Variants in MGMT observed in about 807,000 individuals in gnomAD.
MGMT encodes O-6-methylguanine-DNA methyltransferase.
In MGMT, 14 loss-of-function variants were observed where a neutral mutation model predicts 15.9. The observed-to-expected ratio is 0.88, with a 90% CI of 0.58 to 1.37. MGMT has a LOEUF of 1.37. Ranked by LOEUF, MGMT falls within the 40% of genes most tolerant of loss-of-function variation. MGMT has a pLI of 0.00. For missense variants in MGMT, 282 were observed against 268.1 expected, an observed-to-expected ratio of 1.05 and a Z score of -0.36; for synonymous variants, 130 against 118.2, an observed-to-expected ratio of 1.10 and a Z score of -0.65.
chr10:129,555,070 T>A (rs1441847416), intron 2 of MGMT, among the ~76,000 whole-genome samples: 1 of 152,222 alleles, frequency 6.6e-6, no homozygotes, highest in Non-Finnish European at 1.5e-5. Context: ...ACTCAATAAA[T>A]GGCAACTGCT....
intron 1 of MGMT, among the ~76,000 whole-genome samples, chr10:129,526,301 C>A (rs1027471026): frequency 1.3e-5 from 2 of 152,156 alleles, no homozygotes; most frequent in African/African-American, 4.8e-5. Context: ...AGAGGGGCTT[C>A]CCCAATGCCC....
intron 2 of MGMT, among the ~76,000 whole-genome samples, chr10:129,600,051 G>T (rs1281077987): frequency 6.6e-6 from 1 of 152,140 alleles, no homozygotes; most frequent in Non-Finnish European, 1.5e-5. Context: ...GAAGGATAAT[G>T]AACAAATTTG....
chr10:129,510,196 C>T (rs1037540292), intron 1 of MGMT, among the ~76,000 whole-genome samples: 1 of 149,638 alleles, frequency 6.7e-6, no homozygotes, highest in South Asian at 2.1e-4. Context: ...AGAGATGATC[C>T]CTCGGAGAAT....
intron 2 of MGMT, among the ~76,000 whole-genome samples, chr10:129,560,640 C>CT (rs1267877730): frequency 6.6e-6 from 1 of 152,206 alleles, no homozygotes; most frequent in Non-Finnish European, 1.5e-5. Flanking sequence ...ATTGAATTAT[C>CT]TGAGTATTTA....
chr10:129,551,645 C>T (rs1846158008), intron 2 of MGMT, among the ~76,000 whole-genome samples: 1 of 152,206 alleles, frequency 6.6e-6, no homozygotes, highest in East Asian at 1.9e-4. Flanking sequence ...CTGTAAGTTT[C>T]TCCGAGGTAT....
At chr10:129,667,441 A>G (rs1054738239) in intron 2 of MGMT, among the ~76,000 whole-genome samples, 3 of 152,140 alleles carry the variant, frequency 2.0e-5, no homozygotes, top group Non-Finnish European at 4.4e-5. Flanking sequence ...CACCCATACA[A>G]CTGCATGTCA....
chr10:129,667,140 A>G (rs1199299532), intron 2 of MGMT, among the ~76,000 whole-genome samples: 4 of 152,184 alleles, frequency 2.6e-5, no homozygotes, highest in African/African-American at 9.7e-5. Context: ...ATCTTTGTGT[A>G]ACCATCATGC....
At chr10:129,546,453 G>T (rs1393494613) in intron 2 of MGMT, among the ~76,000 whole-genome samples, 1 of 152,226 alleles carries the variant, frequency 6.6e-6, no homozygotes, top group Non-Finnish European at 1.5e-5. Context: ...TTAAGAGGCT[G>T]CGAGCCCCCT....
intron 1 of MGMT, among the ~76,000 whole-genome samples, chr10:129,514,526 C>T (rs751325552): frequency 3.3e-5 from 5 of 152,186 alleles, no homozygotes; most frequent in Admixed American, 6.5e-5. Flanking sequence ...ATAATTTCTC[C>T]TAGTTCAGTC....
chr10:129,497,107 A>G (rs1214163847), intron 1 of MGMT, among the ~76,000 whole-genome samples: 1 of 152,104 alleles, frequency 6.6e-6, no homozygotes, highest in Admixed American at 6.6e-5. Flanking sequence ...GATCTAATTT[A>G]TAATGTGATA....
At chr10:129,588,807 C>A (rs1426531581) in intron 2 of MGMT, among the ~76,000 whole-genome samples, 2 of 152,372 alleles carry the variant, frequency 1.3e-5, no homozygotes, top group African/African-American at 2.4e-5. Context: ...GAGTGCTCAA[C>A]AATTTGGAGC....
intron 1 of MGMT, among the ~76,000 whole-genome samples, chr10:129,510,243 A>G (rs1222833741): frequency 6.6e-6 from 1 of 152,190 alleles, no homozygotes; most frequent in Admixed American, 6.5e-5. Flanking sequence ...AATATAACAT[A>G]GTTGTTAGAA....
chr10:129,699,157 G>T (rs1224532966), intron 2 of MGMT, among the ~76,000 whole-genome samples: 1 of 152,116 alleles, frequency 6.6e-6, no homozygotes, highest in Non-Finnish European at 1.5e-5. Flanking sequence ...TCCTTTTAAT[G>T]ATTTGAACAT....
At chr10:129,634,065 C>T (rs1013642205) in intron 2 of MGMT, among the ~76,000 whole-genome samples, 5 of 152,132 alleles carry the variant, frequency 3.3e-5, no homozygotes, top group African/African-American at 1.2e-4. Flanking sequence ...TTTTTTAGTG[C>T]CCAAAATGTC....
At chr10:129,601,549 C>T (rs1846821995) in intron 2 of MGMT, among the ~76,000 whole-genome samples, 1 of 152,172 alleles carries the variant, frequency 6.6e-6, no homozygotes, top group Admixed American at 6.5e-5. Context: ...CTGGATCCTG[C>T]CCCTCACCTG....
At chr10:129,571,449 C>T (rs951130010) in intron 2 of MGMT, among the ~76,000 whole-genome samples, 1 of 152,132 alleles carries the variant, frequency 6.6e-6, no homozygotes, top group African/African-American at 2.4e-5. Flanking sequence ...AAATGTTATA[C>T]GTTTTGTTTA....
At chr10:129,716,932 T>C (rs1848305791) in intron 3 of MGMT, among the ~76,000 whole-genome samples, 1 of 152,230 alleles carries the variant, frequency 6.6e-6, no homozygotes, top group African/African-American at 2.4e-5. Context: ...AATATTCAAC[T>C]GAGCATATTT....
chr10:129,754,665 C>G (rs952029417), intron 3 of MGMT, among the ~76,000 whole-genome samples: 8 of 152,210 alleles, frequency 5.3e-5, no homozygotes, highest in Non-Finnish European at 1.2e-4. Flanking sequence ...CTGAGAAGTC[C>G]AAGAGCATGA....
At chr10:129,646,046 G>A (rs1847384640) in intron 2 of MGMT, among the ~76,000 whole-genome samples, 1 of 151,938 alleles carries the variant, frequency 6.6e-6, no homozygotes, top group African/African-American at 2.4e-5. Context: ...CTTACTAATA[G>A]CATTTGTTCA....
Sources: gnomAD v4.1 joint callset for allele counts (sites outside exome capture counted in the v4.1 genomes callset) on GRCh38, gnomAD v4.1.1 for gene constraint, MANE v1.5 for transcripts, NCBI Gene and HGNC (gene_info 2026-07-23, HGNC 2026-07-21) for gene names.